RORA: variants seen among roughly 807,000 people sequenced by gnomAD.
RORA encodes the protein RAR related orphan receptor A.
Under a neutral mutation model 69.5 loss-of-function variants are expected in RORA, and 7 were observed. The ratio of observed to expected loss-of-function variants is 0.10; its 90% CI spans 0.06 to 0.19. The LOEUF is 0.19. RORA is among the 10% of genes least tolerant of loss of function. The pLI is 1.00. For synonymous variants in RORA, 261 were observed against 240.8 expected, an observed-to-expected ratio of 1.08 and a Z score of -0.78; for missense variants, 457 against 663.0, an observed-to-expected ratio of 0.69 and a Z score of 3.41.
chr15:60,667,834 G>A (rs1596110201), intron 2 of RORA, among the ~76,000 whole-genome samples: 4 of 152,172 alleles, frequency 2.6e-5, no homozygotes, highest in African/African-American at 9.6e-5. Flanking sequence ...ACGTGCCCAG[G>A]CTGGTTTTGA....
intron 1 of RORA, among the ~76,000 whole-genome samples, chr15:60,973,715 G>A (rs1893794522): frequency 1.3e-5 from 2 of 152,312 alleles, no homozygotes; most frequent in East Asian, 1.9e-4. Context: ...TCAGGGCCAG[G>A]CCTCAAGAAG....
chr15:61,185,542 C>T (rs1387471945), intron 1 of RORA, among the ~76,000 whole-genome samples: 1 of 152,204 alleles, frequency 6.6e-6, no homozygotes, highest in East Asian at 1.9e-4. Context: ...TCTGGCCAGC[C>T]ACACTGCTAT....
At chr15:60,678,007 T>C (rs1007151881) in intron 2 of RORA, among the ~76,000 whole-genome samples, 32 of 152,256 alleles carry the variant, frequency 2.1e-4, no homozygotes, top group South Asian at 2.1e-4. Context: ...ATTGCTCAGA[T>C]TGCAAATCAC....
At chr15:60,981,730 T>A (rs567477994) in intron 1 of RORA, among the ~76,000 whole-genome samples, 3 of 152,330 alleles carry the variant, frequency 2.0e-5, no homozygotes, top group Admixed American at 6.5e-5. Context: ...TTAGACTTAG[T>A]TTCAGCTTTT....
intron 2 of RORA, among the ~76,000 whole-genome samples, chr15:60,644,431 A>G (rs2069999893): frequency 6.6e-6 from 1 of 152,168 alleles, no homozygotes; most frequent in African/African-American, 2.4e-5. Context: ...CTCTTCTTGG[A>G]AGAAGATTAT....
At chr15:60,727,678 A>T (rs1315614041) in intron 1 of RORA, among the ~76,000 whole-genome samples, 1 of 144,924 alleles carries the variant, frequency 6.9e-6, no homozygotes, top group Non-Finnish European at 1.5e-5. Context: ...TTGGGACTTT[A>T]AAAAAAAATG....
intron 2 of RORA, among the ~76,000 whole-genome samples, chr15:60,543,504 GGTCTCACTCT>G (rs1764039028): frequency 6.6e-6 from 1 of 151,680 alleles, no homozygotes; most frequent in Non-Finnish European, 1.5e-5. Flanking sequence ...CTTTAGACAG[GGTCTCACTCT>G]GTCACCCAGG....
At chr15:60,704,759 C>T (rs933511249) in intron 1 of RORA, among the ~76,000 whole-genome samples, 3 of 152,126 alleles carry the variant, frequency 2.0e-5, no homozygotes, top group African/African-American at 7.2e-5. Flanking sequence ...TCACAGCAAG[C>T]CTTGTTGGTT....
At chr15:60,998,715 G>GAC (rs35315692) in intron 1 of RORA, among the ~76,000 whole-genome samples, 67,146 of 151,936 alleles carry the variant, frequency 0.44, 15,723 homozygotes, top group Non-Finnish European at 0.52. Flanking sequence ...GTATATTTCT[G>GAC]ACAGCCTCTT....
chr15:60,626,029 G>A (rs559215542), intron 2 of RORA, among the ~76,000 whole-genome samples: 2 of 152,334 alleles, frequency 1.3e-5, no homozygotes, highest in Admixed American at 6.5e-5. Flanking sequence ...TCCTTCCTCA[G>A]CAGGGACAGG....
At chr15:60,612,661 G>GTTTTTTTTTTTTTTTTTTTTTTTTT (rs71122864) in intron 2 of RORA, among the ~76,000 whole-genome samples, 5 of 107,154 alleles carry the variant, frequency 4.7e-5, no homozygotes, top group Admixed American at 1.1e-4. Context: ...CTCTCTCTCT[G>GTTTTTTTTTTTTTTTTTTTTTTTTT]TTTTTTTTTT....
Position 61,121,399 on chromosome 15 carries a change from T to C in RORA, c.166+107654A>G, listed in dbSNP as rs548778539. 2.6e-5 allele frequency among the ~76,000 whole-genome samples: 4 copies of C among 152,316 alleles called. No individual in the cohort carries two copies. The South Asian group carries it at 8.3e-4, about 32-fold the overall frequency. On this transcript the variant is annotated intron_variant, in intron 1 of 10. Transcript: ENST00000335670. ...AAATGACTTTTGTAGCCCACCACCATATCTAACTCAAGCTCTAACAACTTC... is the reference window on the plus strand; with the variant it reads ...AAATGACTTTTGTAGCCCACCACCACATCTAACTCAAGCTCTAACAACTTC...
At chr15:61,199,399 T>C (rs373002439) in intron 1 of RORA, among the ~76,000 whole-genome samples, 1 of 152,144 alleles carries the variant, frequency 6.6e-6, no homozygotes. Flanking sequence ...AGGAATCAGA[T>C]ACAGATGTAC....
intron 1 of RORA, among the ~76,000 whole-genome samples, chr15:60,719,333 T>C (rs1041209629): frequency 6.6e-6 from 1 of 151,960 alleles, no homozygotes; most frequent in Non-Finnish European, 1.5e-5. Context: ...GCAGGAGGGG[T>C]AAGTGAAACA....
In RORA at chr15:60,492,329, T is replaced by C. The variant is rs2065056361; in HGVS notation, c.*5126A>G. The C allele has an allele frequency of 6.6e-6, 1 of 152,162 alleles. No individual in the cohort carries two copies. The allele number at this position is 152,162 out of a possible 1,614,324, so 9.4% of individuals were successfully genotyped here. ...ATTTCAAAAATATAACATGTAACAC[T>C]AAATGTTGGCTCGAGTTGCTGCTGT... On this transcript the variant is annotated 3_prime_UTR_variant, in exon 11 of 11. Coordinates refer to ENST00000335670, the MANE Select transcript of RORA (RefSeq NM_134261.3).
chr15:60,805,034 G>C (rs1005459523), intron 1 of RORA, among the ~76,000 whole-genome samples: 7 of 152,182 alleles, frequency 4.6e-5, no homozygotes, highest in Non-Finnish European at 8.8e-5. Flanking sequence ...AAATGCACCA[G>C]TTTTGTTTAA....
chr15:61,155,444 A>C (rs12593790), intron 1 of RORA, among the ~76,000 whole-genome samples: 1 of 152,104 alleles, frequency 6.6e-6, no homozygotes, highest in African/African-American at 2.4e-5. Flanking sequence ...GAAAGCACCA[A>C]AGGGGTTTAT....
chr15:60,995,931 C>A (rs929984559), intron 1 of RORA, among the ~76,000 whole-genome samples: 1 of 152,140 alleles, frequency 6.6e-6, no homozygotes, highest in Non-Finnish European at 1.5e-5. Context: ...AAGTTCCTTG[C>A]TTATCAAATT....
At chr15:60,624,084 G>A (rs1294630451) in intron 2 of RORA, among the ~76,000 whole-genome samples, 2 of 151,990 alleles carry the variant, frequency 1.3e-5, no homozygotes, top group African/African-American at 4.8e-5. Context: ...ATACTCTATA[G>A]GACAATTACT....
Sources: gnomAD v4.1 joint callset for allele counts (sites outside exome capture counted in the v4.1 genomes callset) on GRCh38, gnomAD v4.1.1 for gene constraint, MANE v1.5 for transcripts, NCBI Gene and HGNC (gene_info 2026-07-23, HGNC 2026-07-21) for gene names.